SLC25A33: variants seen among roughly 807,000 people sequenced by gnomAD.
The protein encoded by SLC25A33 is bone marrow stromal cell mitochondrial carrier protein.
A neutral mutation model predicts 35.5 loss-of-function variants in SLC25A33; 15 were observed. The observed-to-expected ratio is 0.42, with a 90% confidence interval of 0.28 to 0.65. The LOEUF is 0.65. SLC25A33 is among the 30% of genes least tolerant of loss of function. The pLI, the probability that SLC25A33 is intolerant of heterozygous loss-of-function variation, is 0.20. For synonymous variants in SLC25A33, 136 were observed against 148.7 expected (o/e 0.91, Z 0.62); for missense variants, 257 against 398.5 (o/e 0.64, Z 3.02).
chr1:9,572,032 C>T (rs1300699260), intron 4 of SLC25A33, among the ~76,000 whole-genome samples: 5 of 152,122 alleles, frequency 3.3e-5, no homozygotes, highest in Non-Finnish European at 5.9e-5. Context: ...GTTTTGTCTG[C>T]CGTTGTTACT....
At chr1:9,547,180 G>T (rs546962091) in intron 1 of SLC25A33, among the ~76,000 whole-genome samples, 79 of 152,274 alleles carry the variant, frequency 5.2e-4, no homozygotes, top group Non-Finnish European at 8.7e-4. Context: ...TTCGCCAGGC[G>T]CAGTGGCTCA....
intron 2 of SLC25A33, among the ~76,000 whole-genome samples, chr1:9,564,735 AAAAAATATATATATAT>A (rs1015131394): frequency 1.3e-4 from 9 of 69,522 alleles, no homozygotes; most frequent in East Asian, 2.4e-3. Flanking sequence ...TAAAAAAAAA[AAAAAATATATATATAT>A]ATATATATAT....
chr1:9,562,983 A>G (rs926307980), intron 2 of SLC25A33, among the ~76,000 whole-genome samples: 29 of 148,430 alleles, frequency 2.0e-4, no homozygotes, highest in African/African-American at 3.7e-4. Flanking sequence ...CAGTGGCGCA[A>G]TCTCGGCTCA....
intron 2 of SLC25A33, among the ~76,000 whole-genome samples, chr1:9,562,971 T>G (rs1643447034): frequency 6.9e-6 from 1 of 145,612 alleles, no homozygotes; most frequent in Non-Finnish European, 1.5e-5. Flanking sequence ...CAGGCTGGAG[T>G]GCAGTGGCGC....
chr1:9,572,511 G>A (rs952897618), intron 4 of SLC25A33, among the ~76,000 whole-genome samples: 1 of 152,046 alleles, frequency 6.6e-6, no homozygotes, highest in African/African-American at 2.4e-5. Flanking sequence ...CCAGCTGCTC[G>A]GGAGGCTGAG....
At chr1:9,580,932 C>A (rs1643737907) in intron 6 of SLC25A33, among the ~76,000 whole-genome samples, 1 of 151,106 alleles carries the variant, frequency 6.6e-6, no homozygotes, top group African/African-American at 2.4e-5. Context: ...CTTAAGGCTA[C>A]TTTGGGTAAG....
At chr1:9,554,651 A>T (rs1379647958) in intron 2 of SLC25A33, among the ~76,000 whole-genome samples, 1 of 151,468 alleles carries the variant, frequency 6.6e-6, no homozygotes. Context: ...GAGCCACCAC[A>T]CCAGCTTTTT....
In SLC25A33 at chr1:9,580,579, G is replaced by A. The variant is rs577181392; in HGVS notation, c.763+345G>A. On this transcript the variant is annotated intron_variant, in intron 6 of 6. Coordinates refer to ENST00000302692, the MANE Select transcript of SLC25A33 (RefSeq NM_032315.3). ...GGAGCCAAACTTACTCAGCCTCGGCGGGGCACGGTGGCTCACGCCTGTAAT... is the reference window on the plus strand; with the variant it reads ...GGAGCCAAACTTACTCAGCCTCGGCAGGGCACGGTGGCTCACGCCTGTAAT... Among the ~76,000 whole-genome samples the A allele has an allele frequency of 5.3e-5, 8 of 152,232 alleles. No homozygotes were observed. In the East Asian group the frequency reaches 9.7e-4, roughly 18 times the overall value.
At chr1:9,540,986 CTT>C (rs113357790) in intron 1 of SLC25A33, among the ~76,000 whole-genome samples, 3 of 146,062 alleles carry the variant, frequency 2.1e-5, no homozygotes, top group Admixed American at 1.4e-4. Context: ...TTGAGACTTC[CTT>C]TTTTTTTTTG....
At chr1:9,550,012 T>TATATATATATATATACACATA (rs55887722) in intron 1 of SLC25A33, among the ~76,000 whole-genome samples, 3 of 33,844 alleles carry the variant, frequency 8.9e-5, no homozygotes, top group African/African-American at 2.6e-4. Context: ...TATATATATA[T>TATATATATATATATACACATA]TTTTTTTTTT....
At chr1:9,560,690 CTA>C (rs1476767207) in intron 2 of SLC25A33, among the ~76,000 whole-genome samples, 1 of 151,478 alleles carries the variant, frequency 6.6e-6, no homozygotes, top group East Asian at 1.9e-4. Flanking sequence ...AAAATATTCT[CTA>C]TTCTGTTAAA....
chr1:9,574,023 A>T (rs1373351707), intron 5 of SLC25A33, among the ~76,000 whole-genome samples: 4 of 150,400 alleles, frequency 2.7e-5, no homozygotes, highest in Non-Finnish European at 4.4e-5. Flanking sequence ...ATAGGGTCTT[A>T]CTTGTTGCCG....
chr1:9,558,750 G>C (rs1239909593), intron 2 of SLC25A33, among the ~76,000 whole-genome samples: 2 of 152,086 alleles, frequency 1.3e-5, no homozygotes, highest in Non-Finnish European at 1.5e-5. Context: ...TGTCCTGATG[G>C]AAGCCACCGT....
intron 2 of SLC25A33, among the ~76,000 whole-genome samples, chr1:9,560,392 A>G (rs533432863): frequency 1.6e-4 from 25 of 152,076 alleles, no homozygotes; most frequent in Non-Finnish European, 3.4e-4. Flanking sequence ...GTGAAACCCT[A>G]TCTCTACTAA....
At chr1:9,577,019 G>T in intron 5 of SLC25A33, 2 of 905,808 alleles carry the variant, frequency 2.2e-6, no homozygotes, top group South Asian at 2.7e-5. Flanking sequence ...GAAACAACAT[G>T]CTGGATGATT....
intron 2 of SLC25A33, among the ~76,000 whole-genome samples, chr1:9,556,612 G>T (rs1328485247): frequency 6.6e-6 from 1 of 151,972 alleles, no homozygotes; most frequent in Non-Finnish European, 1.5e-5. Flanking sequence ...GAACATTTTG[G>T]ATTCTTATGG....
intron 2 of SLC25A33, among the ~76,000 whole-genome samples, chr1:9,558,217 C>G (rs1643373162): frequency 6.6e-6 from 1 of 152,230 alleles, no homozygotes; most frequent in East Asian, 1.9e-4. Context: ...GCCCCAGACA[C>G]AAGGCTGAGC....
chr1:9,565,491 G>C (rs1460547437), intron 2 of SLC25A33, among the ~76,000 whole-genome samples: 2 of 151,462 alleles, frequency 1.3e-5, no homozygotes, highest in Non-Finnish European at 2.9e-5. Context: ...ACTCCAGCCT[G>C]GGCAACAGAG....
chr1:9,574,563 G>T (rs1441519019), intron 5 of SLC25A33, among the ~76,000 whole-genome samples: 1 of 152,170 alleles, frequency 6.6e-6, no homozygotes, highest in East Asian at 1.9e-4. Context: ...ATATTTCTGT[G>T]TGTGTCAAAT....
Sources: gnomAD v4.1 joint callset for allele counts (sites outside exome capture counted in the v4.1 genomes callset) on GRCh38, gnomAD v4.1.1 for gene constraint, MANE v1.5 for transcripts, NCBI Gene and HGNC (gene_info 2026-07-23, HGNC 2026-07-21) for gene names.